The following HECW2 variants were observed in gnomAD, a reference collection of about 807,000 sequenced individuals.
The protein encoded by HECW2 is HECT, C2 and WW domain containing E3 ubiquitin protein ligase 2, also known as E3 ubiquitin-protein ligase HECW2.
In HECW2, 61 loss-of-function variants were observed where a neutral mutation model predicts 175.2. The observed-to-expected ratio is 0.35, with a 90% CI of 0.28 to 0.43. HECW2 has a LOEUF of 0.43. HECW2 is among the 20% of genes least tolerant of loss of function. HECW2 has a pLI of 1.00. For synonymous variants in HECW2, 671 were observed against 731.0 expected (o/e 0.92, Z 1.32); for missense variants, 1,524 against 2,000.5 (o/e 0.76, Z 4.54).
intron 13 of HECW2, among the ~76,000 whole-genome samples, chr2:196,296,743 G>A (rs1190777622): frequency 1.3e-5 from 2 of 152,194 alleles, no homozygotes; most frequent in African/African-American, 2.4e-5. Context: ...CAAAGGCCAC[G>A]ACAGTCGTGA....
At chr2:196,535,313 T>A (rs1421655115) in intron 1 of HECW2, among the ~76,000 whole-genome samples, 2 of 152,208 alleles carry the variant, frequency 1.3e-5, no homozygotes, top group Non-Finnish European at 2.9e-5. Context: ...CTGTTTACCA[T>A]GCTAGTTTTG....
At chr2:196,294,330 C>A (rs1482069944) in intron 13 of HECW2, among the ~76,000 whole-genome samples, 1 of 152,152 alleles carries the variant, frequency 6.6e-6, no homozygotes, top group Non-Finnish European at 1.5e-5. Context: ...ATGAAACTGA[C>A]CAGGCCGTGA....
intron 28 of HECW2, among the ~76,000 whole-genome samples, chr2:196,209,449 T>C (rs1463917594): frequency 2.0e-5 from 3 of 152,228 alleles, no homozygotes; most frequent in Non-Finnish European, 2.9e-5. Flanking sequence ...CTGGCATGTT[T>C]TTGTTAGTAC....
At chr2:196,255,890 C>T (rs1180331486) in intron 18 of HECW2, among the ~76,000 whole-genome samples, 6 of 151,872 alleles carry the variant, frequency 4.0e-5, no homozygotes, top group Non-Finnish European at 7.4e-5. Flanking sequence ...CTGGGCAACA[C>T]GGTGAAACCC....
chr2:196,453,752 C>T (rs1696418095), intron 1 of HECW2, among the ~76,000 whole-genome samples: 1 of 152,150 alleles, frequency 6.6e-6, no homozygotes. Flanking sequence ...CAGTTTAGAA[C>T]ATCCAAAGCT....
At chr2:196,426,467 T>C (rs1044823674) in intron 2 of HECW2, among the ~76,000 whole-genome samples, 1 of 152,202 alleles carries the variant, frequency 6.6e-6, no homozygotes, top group African/African-American at 2.4e-5. Context: ...TATCTCATTG[T>C]GGTTTGAATT....
intron 1 of HECW2, among the ~76,000 whole-genome samples, chr2:196,445,668 A>G (rs978945522): frequency 6.6e-6 from 1 of 152,226 alleles, no homozygotes; most frequent in African/African-American, 2.4e-5. Flanking sequence ...AGGCAGTAAG[A>G]GAGCTCATTA....
rs139557097 is a variant in HECW2 at position 196,378,315 on chromosome 2, G to A, written c.293-34551C>T. On this transcript the variant is annotated intron_variant, in intron 2 of 28. Transcript: ENST00000644978. ...TGCTTTTATTTATGAAAAGAAACAC[G>A]GAAATGATAAAGAAGAAGCCACCAC... is the stretch of plus-strand genomic sequence containing the variant. Among the ~76,000 whole-genome samples, 358 of 152,168 alleles carry A rather than the reference G, an allele frequency of 2.4e-3. 1 individual carries two copies. The highest frequency in any genetic ancestry group is 7.9e-3 in the African/African-American group (328 of 41,518).
Position 196,222,263 on chromosome 2 carries a change from A to G in HECW2, c.4094T>C (p.Ile1365Thr). 6.2e-7 allele frequency: 1 copy of G among 1,613,890 alleles called. No homozygotes were observed. The highest frequency in any genetic ancestry group is 8.5e-7 in the Non-Finnish European group (1 of 1,179,872). ...QSLQWMKDND[I>T]HDILDLTFTV... ...GAACGTGAGGTCTAGGATGTCATGGATATCATTGTCTTTCATCCACTGCAG... is the reference window on the plus strand; with the variant it reads ...GAACGTGAGGTCTAGGATGTCATGGGTATCATTGTCTTTCATCCACTGCAG... The change falls in exon 24 of 29, where the codon ATC (isoleucine) becomes ACC (threonine). Residue 1365 changes from isoleucine (I) to threonine (T), a missense_variant. Ile to Thr is a moderately conservative substitution (Grantham distance 89, BLOSUM62 -1). Transcript: ENST00000644978.
At chr2:196,582,548 A>T (rs1328215589) in intron 1 of HECW2, among the ~76,000 whole-genome samples, 1 of 152,208 alleles carries the variant, frequency 6.6e-6, no homozygotes, top group Non-Finnish European at 1.5e-5. Flanking sequence ...ACAGATTTTA[A>T]ATCAGGCCAT....
chr2:196,330,438 C>G (rs1190532124), intron 4 of HECW2, among the ~76,000 whole-genome samples: 2 of 152,206 alleles, frequency 1.3e-5, no homozygotes, highest in Non-Finnish European at 2.9e-5. Context: ...AATAGAACCA[C>G]ATTTTAATTC....
intron 1 of HECW2, among the ~76,000 whole-genome samples, chr2:196,574,569 T>A (rs1392142964): frequency 6.6e-6 from 1 of 152,150 alleles, no homozygotes; most frequent in Non-Finnish European, 1.5e-5. Context: ...TGTTCATGGA[T>A]TGGAAGAATT....
intron 19 of HECW2, among the ~76,000 whole-genome samples, chr2:196,243,691 T>G (rs1222415611): frequency 6.6e-6 from 1 of 152,094 alleles, no homozygotes; most frequent in African/African-American, 2.4e-5. Flanking sequence ...GCGATTCTCC[T>G]GCCTCAGCCT....
At chr2:196,380,176 A>G (rs975226944) in intron 2 of HECW2, among the ~76,000 whole-genome samples, 13 of 152,236 alleles carry the variant, frequency 8.5e-5, no homozygotes, top group African/African-American at 2.9e-4. Flanking sequence ...TAACAAATGC[A>G]CAAAGATTTG....
chr2:196,497,769 T>C (rs1481267880), intron 1 of HECW2, among the ~76,000 whole-genome samples: 1 of 152,142 alleles, frequency 6.6e-6, no homozygotes, highest in Admixed American at 6.5e-5. Context: ...AACCTAGCCA[T>C]AGAGAAGTTA....
chr2:196,477,290 A>G (rs1163668449), intron 1 of HECW2, among the ~76,000 whole-genome samples: 1 of 152,228 alleles, frequency 6.6e-6, no homozygotes, highest in Non-Finnish European at 1.5e-5. Flanking sequence ...CAGTTGTCTA[A>G]TAAAAATTTG....
At chr2:196,508,200 G>T (rs546803227) in intron 1 of HECW2, among the ~76,000 whole-genome samples, 175 of 152,236 alleles carry the variant, frequency 1.1e-3, no homozygotes, top group Non-Finnish European at 2.3e-3. Context: ...TAACACTCTT[G>T]ACCTACTTTT....
intron 2 of HECW2, among the ~76,000 whole-genome samples, chr2:196,353,748 A>G (rs1046199327): frequency 1.3e-5 from 2 of 152,188 alleles, no homozygotes; most frequent in Admixed American, 6.5e-5. Context: ...TTTCTGAATA[A>G]TGCTTTTTAA....
chr2:196,334,963 C>T (rs768400413), intron 3 of HECW2, among the ~76,000 whole-genome samples: 4 of 152,186 alleles, frequency 2.6e-5, no homozygotes, highest in Non-Finnish European at 5.9e-5. Flanking sequence ...AGGACTCAAA[C>T]CTGAGCTGTC....
Sources: allele counts gnomAD v4.1 joint callset (sites outside exome capture counted in the v4.1 genomes callset), GRCh38; gene constraint gnomAD v4.1.1; transcripts MANE v1.5; gene names NCBI Gene and HGNC (gene_info 2026-07-23, HGNC 2026-07-21).